Variants in ZFHX3 observed in about 807,000 individuals in gnomAD.
The protein encoded by ZFHX3 is zinc finger homeobox 3, also known as zinc finger homeobox protein 3.
A neutral mutation model predicts 279.1 loss-of-function variants in ZFHX3; 42 were observed. The ratio of observed to expected loss-of-function variants is 0.15; its 90% confidence interval spans 0.12 to 0.19. The LOEUF (loss-of-function observed/expected upper bound fraction) is 0.19, where lower values mean the gene tolerates loss of function less well. Ranked by LOEUF, ZFHX3 falls within the 10% of genes least tolerant of loss-of-function variation. The pLI is 1.00. For synonymous variants in ZFHX3, 2,293 were observed against 1,957.8 expected, an observed-to-expected ratio of 1.17 and a Z score of -4.52; for missense variants, 4,981 against 4,754.0, an observed-to-expected ratio of 1.05 and a Z score of -1.40.
chr16:73,251,864 GCACACACCATGCACACACACCACA>G (rs1345002630), intron 5 of ZFHX3, among the ~76,000 whole-genome samples: 1 of 102,170 alleles, frequency 9.8e-6, no homozygotes, highest in African/African-American at 4.3e-5. Flanking sequence ...CCGCACACAC[GCACACACCATGCACACACACCACA>G]CACACACCAT....
intron 2 of ZFHX3, among the ~76,000 whole-genome samples, chr16:73,643,221 G>C (rs1299300468): frequency 1.3e-5 from 2 of 152,110 alleles, no homozygotes; most frequent in Non-Finnish European, 2.9e-5. Flanking sequence ...AAATCATCAA[G>C]AGATTTAATT....
chr16:73,699,944 C>A (rs1296039245), intron 1 of ZFHX3, among the ~76,000 whole-genome samples: 2 of 152,118 alleles, frequency 1.3e-5, no homozygotes, highest in East Asian at 3.9e-4. Context: ...GCATTCCTGG[C>A]TGGGTGCAGT....
At chr16:73,108,308 T>C (rs1472700335) in intron 7 of ZFHX3, among the ~76,000 whole-genome samples, 1 of 149,278 alleles carries the variant, frequency 6.7e-6, no homozygotes, top group Non-Finnish European at 1.5e-5. Context: ...CACTTCAGCT[T>C]GGGTGACAGA....
intron 1 of ZFHX3, among the ~76,000 whole-genome samples, chr16:73,030,481 T>C (rs1964657850): frequency 6.6e-6 from 1 of 152,160 alleles, no homozygotes; most frequent in African/African-American, 2.4e-5. Context: ...AGATTAGAAA[T>C]ATCGGCAGCC....
At chr16:73,321,307 A>G (rs2015569502) in intron 3 of ZFHX3, among the ~76,000 whole-genome samples, 1 of 152,196 alleles carries the variant, frequency 6.6e-6, no homozygotes, top group Non-Finnish European at 1.5e-5. Flanking sequence ...TTTGCATTAG[A>G]GACCTGCTGT....
At chr16:72,955,788 A>AAC (rs1961225516) in intron 2 of ZFHX3, among the ~76,000 whole-genome samples, 1 of 151,636 alleles carries the variant, frequency 6.6e-6, no homozygotes, top group Non-Finnish European at 1.5e-5. Flanking sequence ...AAAAAAAAAA[A>AAC]AAAAAAACCC....
chr16:73,400,569 A>T (rs889630128), intron 3 of ZFHX3: 7 of 152,170 alleles, frequency 4.6e-5, no homozygotes, highest in Non-Finnish European at 7.3e-5. Context: ...TGCATAATCT[A>T]TAATAATGTG....
intron 5 of ZFHX3, among the ~76,000 whole-genome samples, chr16:73,214,170 A>T (rs1394259087): frequency 2.0e-5 from 3 of 152,204 alleles, no homozygotes; most frequent in Admixed American, 6.5e-5. Flanking sequence ...CCAGTGCTTC[A>T]TCTTTAACCC....
chr16:73,272,070 A>G (rs2014161063), intron 4 of ZFHX3, among the ~76,000 whole-genome samples: 1 of 152,236 alleles, frequency 6.6e-6, no homozygotes, highest in Admixed American at 6.5e-5. Flanking sequence ...CCTATGGGAT[A>G]ACATTCATCC....
intron 1 of ZFHX3, 48 bp downstream of exon 1, chr16:73,047,704 C>T (rs1451084425): frequency 6.5e-6 from 1 of 152,822 alleles, no homozygotes; most frequent in African/African-American, 2.4e-5. Flanking sequence ...CAGCACCTGC[C>T]CGCGGCTCCA....
chr16:73,652,896 A>G (rs942848383), intron 2 of ZFHX3, among the ~76,000 whole-genome samples: 1 of 152,184 alleles, frequency 6.6e-6, no homozygotes, highest in Non-Finnish European at 1.5e-5. Context: ...CACAAAAGTA[A>G]ATGAACCAAC....
intron 5 of ZFHX3, among the ~76,000 whole-genome samples, chr16:73,196,979 A>G (rs1424079559): frequency 6.6e-6 from 1 of 152,154 alleles, no homozygotes; most frequent in Non-Finnish European, 1.5e-5. Flanking sequence ...TGTTGGTAGC[A>G]CGACTTGGAA....
chr16:73,803,216 C>A (rs1597122537), intron 1 of ZFHX3, among the ~76,000 whole-genome samples: 1 of 152,136 alleles, frequency 6.6e-6, no homozygotes, highest in Non-Finnish European at 1.5e-5. Flanking sequence ...TGCAAATAGT[C>A]AAGAAATGTA....
At chr16:73,700,226 A>T (rs2053234764) in intron 1 of ZFHX3, among the ~76,000 whole-genome samples, 1 of 151,978 alleles carries the variant, frequency 6.6e-6, no homozygotes, top group Non-Finnish European at 1.5e-5. Context: ...CTCTGTCTCA[A>T]AAAAAAAGAA....
At chr16:73,881,954 C>T (rs1214796801) in intron 1 of ZFHX3, among the ~76,000 whole-genome samples, 2 of 152,104 alleles carry the variant, frequency 1.3e-5, no homozygotes, top group South Asian at 4.2e-4. Context: ...GCAGAAAACG[C>T]TCGTGGAGTC....
chr16:73,238,516 C>T (rs374905860), intron 5 of ZFHX3, among the ~76,000 whole-genome samples: 2 of 152,078 alleles, frequency 1.3e-5, no homozygotes, highest in African/African-American at 2.4e-5. Context: ...GTATTCCTAT[C>T]GCTCTTCTCT....
chr16:73,626,679 A>T (rs2052420192), intron 2 of ZFHX3, among the ~76,000 whole-genome samples: 1 of 152,066 alleles, frequency 6.6e-6, no homozygotes, highest in Non-Finnish European at 1.5e-5. Flanking sequence ...TCCATCTGCC[A>T]AACACTCTTT....
At chr16:72,813,716 G>C (rs2036526718) in intron 5 of ZFHX3, among the ~76,000 whole-genome samples, 1 of 152,166 alleles carries the variant, frequency 6.6e-6, no homozygotes, top group Non-Finnish European at 1.5e-5. Flanking sequence ...CTTAATGGGA[G>C]TTATTCATTT....
rs1361639993 is a variant in ZFHX3, at chr16:72,794,120, A to T, written c.8562T>A (p.Asp2854Glu). The T allele has an allele frequency of 3.1e-6, 5 of 1,614,062 alleles. No individual in the cohort carries two copies. The African/African-American group carries it at 6.7e-5, about 22-fold the overall frequency. ...DTTTGDEGNADNDSATGIATE... is the reference protein window; with the variant it reads ...DTTTGDEGNAENDSATGIATE... ...TTGCTATTCCCGTTGCACTGTCGTTATCTGCGTTGCCCTCGTCTCCAGTTG... is the reference window on the plus strand; with the variant it reads ...TTGCTATTCCCGTTGCACTGTCGTTTTCTGCGTTGCCCTCGTCTCCAGTTG... Residue 2854 changes from aspartate to glutamate, a missense_variant, in exon 9 of 10, where the codon GAT becomes GAA. Asp to Glu is a conservative substitution (Grantham distance 45). This residue lies in a region of ZFHX3 where 744 missense variants were observed against 701.3 expected (regional missense o/e 1.06). Coordinates refer to ENST00000268489, the MANE Select transcript of ZFHX3 (RefSeq NM_006885.4). This position sits in a 1 kb window ranked among gnomAD's most constrained non-coding sequence, Gnocchi z 4.2.
Sources: allele counts gnomAD v4.1 joint callset (sites outside exome capture counted in the v4.1 genomes callset), GRCh38; gene constraint gnomAD v4.1.1; regional missense constraint gnomAD v4.1.1; non-coding constraint Gnocchi (gnomAD v3.1); transcripts MANE v1.5; gene names NCBI Gene and HGNC (gene_info 2026-07-23, HGNC 2026-07-21).